The following CDH13 variants were observed in gnomAD, a reference collection of about 807,000 sequenced individuals.
CDH13 encodes cadherin 13.
CDH13 carries 24 observed loss-of-function variants against 63.8 expected under a neutral mutation model. The observed-to-expected ratio is 0.38, with a 90% CI of 0.27 to 0.53. The LOEUF (loss-of-function observed/expected upper bound fraction) is 0.53. Ranked by LOEUF, CDH13 falls within the 20% of genes least tolerant of loss-of-function variation. CDH13 has a pLI of 0.85. For synonymous variants in CDH13, 503 were observed against 355.3 expected (o/e 1.42, Z -4.67); for missense variants, 1,049 against 903.1 (o/e 1.16, Z -2.07).
chr16:83,364,949 A>T (rs981373351), intron 6 of CDH13, among the ~76,000 whole-genome samples: 7 of 152,174 alleles, frequency 4.6e-5, no homozygotes, highest in African/African-American at 1.7e-4. Context: ...AATTAGGACA[A>T]ATACCTAAGG....
At chr16:83,020,141 A>T (rs1245447468) in intron 2 of CDH13, among the ~76,000 whole-genome samples, 1 of 152,214 alleles carries the variant, frequency 6.6e-6, no homozygotes, top group Non-Finnish European at 1.5e-5. Context: ...GCTATGTGGC[A>T]CATGACCGAA....
At chr16:83,405,344 G>C (rs2092026309) in intron 6 of CDH13, among the ~76,000 whole-genome samples, 1 of 152,182 alleles carries the variant, frequency 6.6e-6, no homozygotes, top group African/African-American at 2.4e-5. Flanking sequence ...GTGAAGGTGT[G>C]ATTGAGTTAA....
At chr16:83,539,861 C>A (rs150219276) in intron 7 of CDH13, among the ~76,000 whole-genome samples, 237 of 152,250 alleles carry the variant, frequency 1.6e-3, no homozygotes, top group African/African-American at 5.4e-3. Flanking sequence ...TGAAGAAGGG[C>A]TCCAGCAGTC....
chr16:83,273,449 G>T (rs2088888316), intron 5 of CDH13, among the ~76,000 whole-genome samples: 1 of 151,986 alleles, frequency 6.6e-6, no homozygotes. Context: ...TGAGAACAAG[G>T]GCATTTGCTT....
At chr16:82,881,248 C>A (rs1262310416) in intron 2 of CDH13, among the ~76,000 whole-genome samples, 2 of 152,050 alleles carry the variant, frequency 1.3e-5, no homozygotes, top group Admixed American at 1.3e-4. Context: ...GTTCAAGCTC[C>A]CATTTGGATG....
chr16:82,930,263 C>T (rs547470686), intron 2 of CDH13, among the ~76,000 whole-genome samples: 12 of 152,108 alleles, frequency 7.9e-5, no homozygotes, highest in Admixed American at 1.3e-4. Flanking sequence ...AAGCATGAGC[C>T]GCTACGTCCG....
At chr16:82,697,170 C>T (rs1386399083) in intron 1 of CDH13, among the ~76,000 whole-genome samples, 3 of 152,152 alleles carry the variant, frequency 2.0e-5, no homozygotes, top group African/African-American at 7.2e-5. Flanking sequence ...ACTCTATGTC[C>T]TGAAGGGAGA....
intron 1 of CDH13, among the ~76,000 whole-genome samples, chr16:82,704,127 C>T (rs1023135387): frequency 6.6e-6 from 1 of 152,062 alleles, no homozygotes; most frequent in African/African-American, 2.4e-5. Context: ...AACTCTAAAA[C>T]TGCAAGCCAC....
At chr16:83,780,323 G>T in intron 12 of CDH13, 122 bp downstream of exon 12, 1 of 649,568 alleles carries the variant, frequency 1.5e-6, no homozygotes, top group Non-Finnish European at 2.6e-6. Flanking sequence ...TAAGTTATTG[G>T]CATATTATAA....
intron 5 of CDH13, among the ~76,000 whole-genome samples, chr16:83,246,651 T>A (rs1905024049): frequency 6.6e-6 from 1 of 152,232 alleles, no homozygotes; most frequent in Admixed American, 6.5e-5. Flanking sequence ...TTCTTCTGAC[T>A]GTCATTGTCA....
chr16:82,906,147 T>C (rs1228634601), intron 2 of CDH13, among the ~76,000 whole-genome samples: 1 of 152,210 alleles, frequency 6.6e-6, no homozygotes, highest in African/African-American at 2.4e-5. Flanking sequence ...AAAGAGAATC[T>C]CTGACACTAT....
At chr16:82,987,381 G>T (rs570868335) in intron 2 of CDH13, among the ~76,000 whole-genome samples, 4 of 152,000 alleles carry the variant, frequency 2.6e-5, no homozygotes, top group African/African-American at 9.7e-5. Flanking sequence ...TTGTTTGTTT[G>T]TTTTTGAGAC....
chr16:83,614,956 C>G (rs949555168), intron 8 of CDH13, among the ~76,000 whole-genome samples: 1 of 152,136 alleles, frequency 6.6e-6, no homozygotes, highest in African/African-American at 2.4e-5. Flanking sequence ...GAAGGGAACT[C>G]TAAATCCAAG....
chr16:82,998,813 C>A (rs375353449), intron 2 of CDH13, among the ~76,000 whole-genome samples: 1 of 150,876 alleles, frequency 6.6e-6, no homozygotes, highest in Non-Finnish European at 1.5e-5. Context: ...CATTCATGTA[C>A]GCCTTAAGCC....
chr16:83,458,140 C>T (rs2073074188), intron 6 of CDH13, among the ~76,000 whole-genome samples: 1 of 152,182 alleles, frequency 6.6e-6, no homozygotes, highest in Non-Finnish European at 1.5e-5. Context: ...TCCTCGTCTG[C>T]TGGGACGTCT....
intron 7 of CDH13, among the ~76,000 whole-genome samples, chr16:83,488,687 C>T (rs755327564): frequency 2.0e-5 from 3 of 151,970 alleles, no homozygotes; most frequent in Non-Finnish European, 2.9e-5. Flanking sequence ...TGCAGTGGCA[C>T]GATCTCAGCT....
At chr16:83,041,083 C>A (rs978097521) in intron 3 of CDH13, among the ~76,000 whole-genome samples, 2 of 152,158 alleles carry the variant, frequency 1.3e-5, no homozygotes, top group African/African-American at 4.8e-5. Context: ...CTCCAAAAGA[C>A]CTGGCAGTAT....
chr16:83,666,485 C>T (rs1913962460), intron 8 of CDH13, among the ~76,000 whole-genome samples: 1 of 152,110 alleles, frequency 6.6e-6, no homozygotes, highest in Non-Finnish European at 1.5e-5. Flanking sequence ...AAACGTAACC[C>T]AGTTCCTTGA....
At chr16:83,015,675 A>G (rs117526644) in intron 2 of CDH13, among the ~76,000 whole-genome samples, 1,757 of 51,008 alleles carry the variant, frequency 0.034, 26 homozygotes, top group East Asian at 0.057. Context: ...GTGTGTGTGT[A>G]TGTATATATA....
Sources: allele counts gnomAD v4.1 joint callset (sites outside exome capture counted in the v4.1 genomes callset), GRCh38; gene constraint gnomAD v4.1.1; transcripts MANE v1.5; gene names NCBI Gene and HGNC (gene_info 2026-07-23, HGNC 2026-07-21).